The following TLN2 variants were observed in gnomAD, a reference collection of about 807,000 sequenced individuals.
The protein encoded by TLN2 is talin-2.
Under a neutral mutation model 294.7 loss-of-function variants are expected in TLN2, and 118 were observed. That is an observed-to-expected ratio of 0.40 (90% confidence interval 0.34 to 0.47). The LOEUF (loss-of-function observed/expected upper bound fraction) is 0.47, where lower values mean the gene tolerates loss of function less well. Among genes scored for constraint, TLN2 ranks in the 20% least tolerant of loss-of-function variants. The pLI is 0.84. For synonymous variants in TLN2, 1,431 were observed against 1,304.5 expected (o/e 1.10, Z -2.09); for missense variants, 3,083 against 3,282.2 (o/e 0.94, Z 1.48).
chr15:62,490,474 A>G (rs1367584425), intron 1 of TLN2, among the ~76,000 whole-genome samples: 1 of 152,218 alleles, frequency 6.6e-6, no homozygotes, highest in Non-Finnish European at 1.5e-5. Flanking sequence ...ATACTTGGGC[A>G]TGTATTCCCA....
At chr15:62,654,917 G>A (rs998565486) in intron 7 of TLN2, among the ~76,000 whole-genome samples, 3 of 151,972 alleles carry the variant, frequency 2.0e-5, no homozygotes, top group African/African-American at 7.3e-5. Flanking sequence ...CACTGAAAGG[G>A]TCTTAATTTA....
At chr15:62,498,885 A>G (rs2039156032) in intron 1 of TLN2, among the ~76,000 whole-genome samples, 1 of 152,208 alleles carries the variant, frequency 6.6e-6, no homozygotes, top group South Asian at 2.1e-4. Flanking sequence ...CACTCTAAAG[A>G]GAGCTGTACA....
chr15:62,739,808 TGGAGGGAGGGTAGGA>T (rs2061221998), intron 31 of TLN2, among the ~76,000 whole-genome samples: 1 of 152,316 alleles, frequency 6.6e-6, no homozygotes, highest in South Asian at 2.1e-4. Context: ...TCTTACTATT[TGGAGGGAGGGTAGGA>T]GGAGGGAGAA....
At chr15:62,484,790 C>G (rs991727760) in intron 1 of TLN2, among the ~76,000 whole-genome samples, 2 of 152,162 alleles carry the variant, frequency 1.3e-5, no homozygotes, top group African/African-American at 4.8e-5. Context: ...CCAGGCTCCA[C>G]TCACCTAACT....
At chr15:62,700,680 T>C (rs570132292) in intron 16 of TLN2, among the ~76,000 whole-genome samples, 2 of 152,258 alleles carry the variant, frequency 1.3e-5, no homozygotes, top group South Asian at 4.1e-4. Context: ...ACAGAGAACA[T>C]GTCTAAGTTG....
Position 62,716,539 on chromosome 15 carries a change from G to A in TLN2, c.2763+80G>A. 3.4e-6 allele frequency: 5 copies of A among 1,486,720 alleles called. No individual in the cohort carries two copies. In the South Asian group the frequency reaches 7.3e-5, roughly 22 times the overall value. The allele number at this position is 1,486,720 out of a possible 1,614,324, so 92.1% of individuals were successfully genotyped here. ...TTGAAAAGATAGTTGAATTAACAAG[G>A]TGTTGACAATATAAAGAAAGCCAAG... On this transcript the variant is annotated intron_variant, in intron 23 of 58. Transcript: ENST00000636159.
In TLN2 at chr15:62,486,463, T is replaced by TG. The variant is rs1330460852; in HGVS notation, c.-238+95778_-238+95779insG. Among the ~76,000 whole-genome samples the TG allele has an allele frequency of 8.4e-3, 1,257 of 149,054 alleles. 24 individuals carry two copies. Among genetic ancestry groups the TG allele is most frequent in the African/African-American group, 0.03 (1,201 of 40,684 alleles). On this transcript the variant is annotated intron_variant, in intron 1 of 58. Coordinates refer to ENST00000636159, the MANE Select transcript of TLN2 (RefSeq NM_015059.3). Reference sequence around the variant, plus strand: ...GGAACAGTTCCTTTGTTTTTTTTTTTTTTTTTTTTTTTGCCATTCACAACA... The same window carrying TG: ...GGAACAGTTCCTTTGTTTTTTTTTTTGTTTTTTTTTTTTGCCATTCACAACA...
chr15:62,641,532 T>G (rs1389744433), intron 3 of TLN2, among the ~76,000 whole-genome samples: 1 of 151,896 alleles, frequency 6.6e-6, no homozygotes, highest in Non-Finnish European at 1.5e-5. Flanking sequence ...AGGAGAATCG[T>G]TTGAACCGGC....
Position 62,737,046 on chromosome 15 carries a change from T to G in TLN2, c.3527T>G (p.Ile1176Ser), listed in dbSNP as rs1456212636. The part of the protein sequence containing the change: ...MLIQEAKQAL[I>S]APGDAERQQR... ...ATTCAAGAGGCCAAGCAGGCCCTGA[T>G]TGCACCTGGAGATGCAGAGCGTCAA... Residue 1176 changes from isoleucine to serine, a missense_variant, in exon 29 of 59, where the codon ATT becomes AGT. Physicochemically the swap from Ile to Ser is moderately radical, Grantham distance 142. Coordinates refer to ENST00000636159, the MANE Select transcript of TLN2 (RefSeq NM_015059.3). 2.5e-6 allele frequency: 4 copies of G among 1,614,074 alleles called. No individual in the cohort carries two copies. Among genetic ancestry groups the G allele is most frequent in the Non-Finnish European group, 3.4e-6 (4 of 1,180,044 alleles).
chr15:62,673,322 T>TTTTTTTTTTTTTTTTTC (rs1555465070), intron 9 of TLN2, among the ~76,000 whole-genome samples: 5 of 140,126 alleles, frequency 3.6e-5, no homozygotes, highest in African/African-American at 1.1e-4. Context: ...TTTTTTTTTT[T>TTTTTTTTTTTTTTTTTC]TTTTTTGCAA....
At position 62,722,489 on chromosome 15, in the gene TLN2, C is replaced by T; in HGVS notation, c.3126+2C>T. ...GAGCTGCGTACCGCCTCGCAGAAGG[C>T]AAGTGGAGCGTGTCATAGGGGTTAA... On this transcript the variant is annotated splice_donor_variant, in intron 26 of 58. Transcript: ENST00000636159. LOFTEE classifies it low-confidence loss of function (GC_TO_GT_DONOR). 1 of 1,609,062 alleles carries T rather than the reference C, an allele frequency of 6.2e-7. No homozygotes were observed.
chr15:62,695,480 C>T (rs2058262297), intron 14 of TLN2, among the ~76,000 whole-genome samples: 1 of 152,152 alleles, frequency 6.6e-6, no homozygotes, highest in Non-Finnish European at 1.5e-5. Context: ...AACTGAAGCT[C>T]ATGAAAGTTA....
chr15:62,768,401 T>C (rs1239223306), intron 41 of TLN2, among the ~76,000 whole-genome samples: 1 of 152,206 alleles, frequency 6.6e-6, no homozygotes, highest in East Asian at 1.9e-4. Flanking sequence ...TGTCACCTGC[T>C]CTTCGGTGTC....
intron 1 of TLN2, among the ~76,000 whole-genome samples, chr15:62,489,894 C>T (rs1345763646): frequency 6.6e-6 from 1 of 152,230 alleles, no homozygotes; most frequent in Non-Finnish European, 1.5e-5. Flanking sequence ...GGAATGGGTC[C>T]TCAGCCCTGG....
chr15:62,660,778 G>C (rs1373341913), intron 9 of TLN2, among the ~76,000 whole-genome samples: 2 of 152,158 alleles, frequency 1.3e-5, no homozygotes, highest in Non-Finnish European at 2.9e-5. Context: ...GTCAGGTACA[G>C]GGAAGATACA....
chr15:62,738,885 A>G (rs2061169785), intron 30 of TLN2, among the ~76,000 whole-genome samples: 2 of 152,266 alleles, frequency 1.3e-5, no homozygotes, highest in East Asian at 3.8e-4. Flanking sequence ...TTTAAAAGTT[A>G]TTAGCAAAGG....
rs1343114543 is a variant in TLN2 at position 62,836,219 on chromosome 15, C to T, written c.7374+146C>T. 19 of 1,101,758 alleles carry T rather than the reference C, an allele frequency of 1.7e-5. No individual in the cohort carries two copies. The East Asian group carries it at 3.6e-4, about 21-fold the overall frequency. 68.2% of individuals were successfully genotyped at this position (1,101,758 alleles called of 1,614,324 possible). On this transcript the variant is annotated intron_variant, in intron 57 of 58. Coordinates refer to ENST00000636159, the MANE Select transcript of TLN2 (RefSeq NM_015059.3). ...ACGTTCCAGCCTCATCTACTGCGTG[C>T]GTCCATGCATCCTCCACTGCTGCCC...
At chr15:62,625,924 G>A (rs554912932) in intron 3 of TLN2, among the ~76,000 whole-genome samples, 3 of 152,240 alleles carry the variant, frequency 2.0e-5, no homozygotes, top group Admixed American at 2.0e-4. Context: ...AGGGGGACTG[G>A]GGATGTCTAG....
At chr15:62,766,295 G>A (rs1489815533) in intron 40 of TLN2, 26 bp from the exon 41 acceptor site, 1 of 1,598,590 alleles carries the variant, frequency 6.3e-7, no homozygotes, top group African/African-American at 1.3e-5. Context: ...GTTATGGGAT[G>A]AACTTGACAC....
Sources: gnomAD v4.1 joint callset for allele counts (sites outside exome capture counted in the v4.1 genomes callset) on GRCh38, gnomAD v4.1.1 for gene constraint, MANE v1.5 for transcripts, NCBI Gene and HGNC (gene_info 2026-07-23, HGNC 2026-07-21) for gene names.